The following UBE2V1 variants were observed in gnomAD, a reference collection of about 807,000 sequenced individuals.
The protein encoded by UBE2V1 is ubiquitin-conjugating enzyme E2 variant 1.
In UBE2V1, 15 loss-of-function variants were observed where a neutral mutation model predicts 19.6. The observed-to-expected ratio is 0.77, with a 90% CI of 0.51 to 1.18. The LOEUF (loss-of-function observed/expected upper bound fraction) is 1.18, where lower values mean the gene tolerates loss of function less well. Ranked by LOEUF, UBE2V1 falls within the 50% of genes most tolerant of loss-of-function variation. The pLI, the probability that UBE2V1 is intolerant of heterozygous loss-of-function variation, is 0.00. For synonymous variants in UBE2V1, 60 were observed against 60.7 expected, an observed-to-expected ratio of 0.99 and a Z score of 0.05; for missense variants, 125 against 184.8, an observed-to-expected ratio of 0.68 and a Z score of 1.88.
At chr20:50,084,046 G>A (rs2078765976) in intron 3 of UBE2V1, 83 bp downstream of exon 3, 8 of 1,510,366 alleles carry the variant, frequency 5.3e-6, no homozygotes, top group Admixed American at 4.6e-5. Flanking sequence ...CCTAGGAATT[G>A]GGCCCAGTCT....
Position 50,081,551 on chromosome 20 carries a change from C to T in UBE2V1, c.*1217G>A, listed in dbSNP as rs1329996253. ...AGGATCTTGGGAAGCAGCAGCAGCA[C>T]CAAAACCAAGGCATGCACCGGATTC... On this transcript the variant is annotated 3_prime_UTR_variant, in exon 4 of 4. Transcript: ENST00000371674. The T allele has an allele frequency of 6.5e-6, 1 of 153,204 alleles. No homozygotes were observed. Among genetic ancestry groups the T allele is most frequent in the Non-Finnish European group, 1.5e-5 (1 of 68,452 alleles). 9.5% of individuals were successfully genotyped at this position (153,204 alleles called of 1,614,324 possible). A position where few individuals can be genotyped will look rare whatever the true frequency, so the allele number is the denominator to read the frequency against.
intron 2 of UBE2V1, chr20:50,095,887 G>A (rs1250069532): frequency 6.6e-6 from 1 of 152,260 alleles, no homozygotes; most frequent in Non-Finnish European, 1.5e-5. Flanking sequence ...GTGGTTAAGA[G>A]CACAGGCTCT....
chr20:50,106,873 AC>A (rs59907987), intron 1 of UBE2V1, among the ~76,000 whole-genome samples: 2,725 of 86,594 alleles, frequency 0.031, 46 homozygotes, highest in African/African-American at 0.099. Context: ...AACAACAACA[AC>A]AAAAAAAAAA....
intron 2 of UBE2V1, among the ~76,000 whole-genome samples, chr20:50,089,284 G>C (rs2079091800): frequency 6.6e-6 from 1 of 152,146 alleles, no homozygotes; most frequent in Non-Finnish European, 1.5e-5. Context: ...TCTGAGGAAG[G>C]GGTGCTGCCT....
At position 50,082,596 on chromosome 20, in the gene UBE2V1, A is replaced by C. The variant is rs544387060; in HGVS notation, c.*172T>G. On this transcript the variant is annotated 3_prime_UTR_variant, in exon 4 of 4. Coordinates refer to ENST00000371674, the MANE Select transcript of UBE2V1 (RefSeq NM_001032288.3). ...ACAACTTATATATTTCAAATGGACA[A>C]AAAATTAGTATCATTTACAGTATCT... 8.0e-6 allele frequency: 10 copies of C among 1,248,832 alleles called. No homozygotes were observed. In the South Asian group the frequency reaches 1.7e-4, roughly 21 times the overall value. The allele number at this position is 1,248,832 out of a possible 1,614,324, so 77.4% of individuals were successfully genotyped here. A position where few individuals can be genotyped will look rare whatever the true frequency, so the allele number is the denominator to read the frequency against.
At chr20:50,112,985 G>A (rs1022630092) in intron 1 of UBE2V1, 122 bp downstream of exon 1, 6 of 426,542 alleles carry the variant, frequency 1.4e-5, no homozygotes, top group African/African-American at 2.1e-5. Flanking sequence ...TGGCTGCCGC[G>A]GAGCCCAGCA....
At chr20:50,084,709 C>T (rs918101856) in intron 2 of UBE2V1, 10 of 374,002 alleles carry the variant, frequency 2.7e-5, no homozygotes, top group East Asian at 2.2e-4. Context: ...TAAGACAAGA[C>T]GAGGGAGGGG....
At chr20:50,096,485 T>G in intron 2 of UBE2V1, 187 bp downstream of exon 2, 1 of 1,474,566 alleles carries the variant, frequency 6.8e-7, no homozygotes, top group Non-Finnish European at 9.1e-7. Flanking sequence ...TTGCTTACCA[T>G]TTAGAGGGGT....
intron 2 of UBE2V1, among the ~76,000 whole-genome samples, chr20:50,087,881 C>G (rs760838166): frequency 7.9e-5 from 12 of 152,116 alleles, no homozygotes; most frequent in Non-Finnish European, 1.5e-4. Flanking sequence ...GGCACACACA[C>G]ACATACGAAA....
chr20:50,094,252 TATATAATGCATTATATAA>T (rs2079478430), intron 2 of UBE2V1, among the ~76,000 whole-genome samples: 7 of 139,390 alleles, frequency 5.0e-5, no homozygotes, highest in African/African-American at 1.8e-4. Flanking sequence ...CATTATATAA[TATATAATGCATTATATAA>T]TATATAATGC....
intron 1 of UBE2V1, among the ~76,000 whole-genome samples, chr20:50,097,620 G>A (rs2079714393): frequency 1.3e-5 from 2 of 152,160 alleles, no homozygotes; most frequent in East Asian, 1.9e-4. Context: ...TGTGCTTGGG[G>A]AACAAATCAT....
intron 2 of UBE2V1, chr20:50,095,516 C>G (rs752616235): frequency 1.3e-5 from 2 of 152,258 alleles, no homozygotes; most frequent in Non-Finnish European, 2.9e-5. Flanking sequence ...GCCAATCATT[C>G]ACCATGAGTG....
intron 1 of UBE2V1, among the ~76,000 whole-genome samples, chr20:50,101,413 G>T (rs200023830): frequency 3.0e-5 from 4 of 134,578 alleles, no homozygotes; most frequent in African/African-American, 5.7e-5. Context: ...AGACCTCAAA[G>T]AACTTTTTTT....
At chr20:50,093,956 C>A (rs2079395846) in intron 2 of UBE2V1, among the ~76,000 whole-genome samples, 1 of 130,794 alleles carries the variant, frequency 7.6e-6, no homozygotes, top group Non-Finnish European at 1.6e-5. Context: ...CCACTGCACT[C>A]CAGCCTGGGA....
intron 2 of UBE2V1, among the ~76,000 whole-genome samples, chr20:50,088,969 A>G (rs2079073957): frequency 6.6e-6 from 1 of 152,236 alleles, no homozygotes; most frequent in African/African-American, 2.4e-5. Context: ...ATGTGGGTAC[A>G]TGCTATGTTA....
chr20:50,092,826 G>A (rs761159703), intron 2 of UBE2V1, among the ~76,000 whole-genome samples: 3 of 152,310 alleles, frequency 2.0e-5, no homozygotes, highest in East Asian at 1.9e-4. Flanking sequence ...GAGTACAGAA[G>A]GGTATATGGT....
In UBE2V1 at chr20:50,094,350, C is replaced by T. The variant is rs148851208; in HGVS notation, c.171+2322G>A. Among the ~76,000 whole-genome samples the T allele has an allele frequency of 6.8e-3, 873 of 128,544 alleles. 16 individuals carry two copies. The highest frequency in any genetic ancestry group is 0.024 in the African/African-American group (829 of 34,274). The allele number at this position is 128,544 out of a possible 152,430, so 84.3% of individuals were successfully genotyped here. A position where few individuals can be genotyped will look rare whatever the true frequency, so the allele number is the denominator to read the frequency against. ...GGAGGAAAAATTAGGTAGCTAAAAA[C>T]AACTATGTCCATCTATTCCAGCAGG... On this transcript the variant is annotated intron_variant, in intron 2 of 3. Coordinates refer to ENST00000371674, the MANE Select transcript of UBE2V1 (RefSeq NM_001032288.3).
chr20:50,092,519 T>C (rs929987474), intron 2 of UBE2V1, among the ~76,000 whole-genome samples: 1 of 152,062 alleles, frequency 6.6e-6, no homozygotes, highest in Non-Finnish European at 1.5e-5. Flanking sequence ...CTAAACAGCC[T>C]ACAACGCACA....
At chr20:50,105,308 A>G (rs928204827) in intron 1 of UBE2V1, among the ~76,000 whole-genome samples, 2 of 152,256 alleles carry the variant, frequency 1.3e-5, no homozygotes, top group African/African-American at 4.8e-5. Flanking sequence ...CTCCAGGGAC[A>G]TAAGTCCAAA....
Sources: allele counts gnomAD v4.1 joint callset (sites outside exome capture counted in the v4.1 genomes callset), GRCh38; gene constraint gnomAD v4.1.1; transcripts MANE v1.5; gene names NCBI Gene and HGNC (gene_info 2026-07-23, HGNC 2026-07-21).